KDM4C: variants seen among roughly 807,000 people sequenced by gnomAD.
The protein encoded by KDM4C is lysine demethylase 4C.
In KDM4C, 81 loss-of-function variants were observed where a neutral mutation model predicts 129.3. The ratio of observed to expected loss-of-function variants is 0.63; its 90% CI spans 0.52 to 0.75. The LOEUF is 0.75. Among genes scored for constraint, KDM4C ranks in the 30% least tolerant of loss-of-function variants. The pLI is 0.00. For synonymous variants in KDM4C, 573 were observed against 456.1 expected (o/e 1.26, Z -3.26); for missense variants, 1,457 against 1,304.0 (o/e 1.12, Z -1.81).
At chr9:7,049,481 G>C (rs917277613) in intron 17 of KDM4C, among the ~76,000 whole-genome samples, 14 of 151,940 alleles carry the variant, frequency 9.2e-5, no homozygotes, top group African/African-American at 3.4e-4. Flanking sequence ...AGGTTATCTG[G>C]TAAGATTTGT....
intron 10 of KDM4C, among the ~76,000 whole-genome samples, chr9:6,984,855 T>C (rs576848548): frequency 1.3e-5 from 2 of 152,354 alleles, no homozygotes; most frequent in East Asian, 3.9e-4. Flanking sequence ...AAATGACATG[T>C]ATAGTCCCCT....
At chr9:6,951,498 C>T (rs1377354854) in intron 8 of KDM4C, among the ~76,000 whole-genome samples, 3 of 152,038 alleles carry the variant, frequency 2.0e-5, no homozygotes, top group Admixed American at 6.6e-5. Flanking sequence ...TGTTGGGAGT[C>T]GGCTTTCTAT....
At chr9:7,074,927 T>C (rs1833718894) in intron 17 of KDM4C, among the ~76,000 whole-genome samples, 1 of 152,298 alleles carries the variant, frequency 6.6e-6, no homozygotes, top group South Asian at 2.1e-4. Context: ...TTTACAAAGG[T>C]CTCAGGATGT....
At chr9:6,748,297 C>T (rs1817950444) in intron 1 of KDM4C, among the ~76,000 whole-genome samples, 2 of 152,120 alleles carry the variant, frequency 1.3e-5, no homozygotes, top group African/African-American at 4.8e-5. Context: ...CACCTGAGGT[C>T]GGGAGTTCAA....
At chr9:7,006,571 G>T (rs1821712134) in intron 12 of KDM4C, among the ~76,000 whole-genome samples, 2 of 152,074 alleles carry the variant, frequency 1.3e-5, no homozygotes, top group Admixed American at 1.3e-4. Context: ...AGAAGGGAGG[G>T]TTGTAAGCAG....
intron 5 of KDM4C, among the ~76,000 whole-genome samples, chr9:6,858,702 G>A (rs1386302218): frequency 6.6e-6 from 1 of 151,900 alleles, no homozygotes; most frequent in Non-Finnish European, 1.5e-5. Context: ...CACCTGGGAG[G>A]TGGAGGTTTC....
intron 17 of KDM4C, among the ~76,000 whole-genome samples, chr9:7,053,732 G>A (rs903385329): frequency 4.6e-5 from 7 of 152,052 alleles, no homozygotes; most frequent in South Asian, 2.1e-4. Context: ...TCTTTCTTTC[G>A]TTTTCTTTAA....
chr9:6,954,784 G>T (rs545556435), intron 8 of KDM4C, among the ~76,000 whole-genome samples: 1 of 152,166 alleles, frequency 6.6e-6, no homozygotes, highest in Non-Finnish European at 1.5e-5. Context: ...CTCTGAATGG[G>T]CAGACTTCAT....
intron 4 of KDM4C, among the ~76,000 whole-genome samples, chr9:6,830,401 G>C (rs1834618293): frequency 6.6e-6 from 1 of 152,100 alleles, no homozygotes; most frequent in South Asian, 2.1e-4. Context: ...TCCTAGTATG[G>C]TTTCTTCAAA....
chr9:6,788,765 C>A (rs943668952), intron 1 of KDM4C, among the ~76,000 whole-genome samples: 1 of 152,132 alleles, frequency 6.6e-6, no homozygotes, highest in African/African-American at 2.4e-5. Flanking sequence ...TTGGGACAGG[C>A]AACTGCTATA....
chr9:6,854,304 G>A (rs1445398393), intron 5 of KDM4C, among the ~76,000 whole-genome samples: 4 of 151,776 alleles, frequency 2.6e-5, no homozygotes, highest in Non-Finnish European at 4.4e-5. Flanking sequence ...CGAGGCGGGC[G>A]GATCACCTGA....
At chr9:7,131,771 A>G (rs1267043685) in intron 19 of KDM4C, among the ~76,000 whole-genome samples, 4 of 152,194 alleles carry the variant, frequency 2.6e-5, no homozygotes, top group Non-Finnish European at 5.9e-5. Flanking sequence ...AAAAAAATGT[A>G]ATCAGGTTTG....
In KDM4C at chr9:6,779,267, C is replaced by T. The variant is rs566596572; in HGVS notation, c.-17-13705C>T. On this transcript the variant is annotated intron_variant, in intron 1 of 21. Transcript: ENST00000381309. ...TCTTGACCTCGTGATCTGCCCACCT[C>T]GGCCTCCCAGAGTGCTGGGATTACA... Among the ~76,000 whole-genome samples the T allele has an allele frequency of 1.3e-4, 19 of 150,964 alleles. No individual in the cohort carries two copies. The East Asian group carries it at 2.2e-3, about 17-fold the overall frequency.
At chr9:6,807,414 C>T (rs1051553401) in intron 3 of KDM4C, among the ~76,000 whole-genome samples, 3 of 141,482 alleles carry the variant, frequency 2.1e-5, no homozygotes, top group East Asian at 2.1e-4. Flanking sequence ...TCCGCCCGGC[C>T]GCCATCCCAT....
chr9:6,952,091 AT>A lies in KDM4C; in HGVS notation c.922-28831del, dbSNP rs556373020. On this transcript the variant is annotated intron_variant, in intron 8 of 21. Coordinates refer to ENST00000381309, the MANE Select transcript of KDM4C (RefSeq NM_015061.6). Reference sequence around the variant, plus strand: ...ACATTGTTGATGATACTGTAAACTGATTTAATCTTTATGAAAGGAAATTTGA... The same window carrying A: ...ACATTGTTGATGATACTGTAAACTGATTAATCTTTATGAAAGGAAATTTGA... Among the ~76,000 whole-genome samples the A allele has an allele frequency of 3.0e-3, 460 of 152,264 alleles. 1 individual carries two copies. Among genetic ancestry groups the A allele is most frequent in the African/African-American group, 0.011 (439 of 41,554 alleles).
intron 15 of KDM4C, among the ~76,000 whole-genome samples, chr9:7,037,180 G>A (rs74827126): frequency 0.043 from 6,493 of 152,136 alleles, 182 homozygotes; most frequent in East Asian, 0.1. Context: ...CCTATTTTAC[G>A]GTTTTGTGTT....
intron 1 of KDM4C, chr9:6,721,138 A>G (rs1489456345): frequency 2.1e-5 from 14 of 681,482 alleles, no homozygotes; most frequent in East Asian, 1.7e-4. Context: ...CAGTGGTGCA[A>G]TCACACCTCA....
chr9:6,733,242 C>T (rs1435513543), intron 1 of KDM4C, among the ~76,000 whole-genome samples: 3 of 152,272 alleles, frequency 2.0e-5, no homozygotes, highest in Admixed American at 6.5e-5. Flanking sequence ...AGATTTGACT[C>T]GAAAGACAAA....
intron 18 of KDM4C, among the ~76,000 whole-genome samples, chr9:7,121,538 A>T (rs769251909): frequency 6.6e-6 from 1 of 152,212 alleles, no homozygotes; most frequent in Non-Finnish European, 1.5e-5. Flanking sequence ...GAGGATCTAC[A>T]AAGTCGTATG....
Sources: allele counts gnomAD v4.1 joint callset (sites outside exome capture counted in the v4.1 genomes callset), GRCh38; gene constraint gnomAD v4.1.1; transcripts MANE v1.5; gene names NCBI Gene and HGNC (gene_info 2026-07-23, HGNC 2026-07-21).